Variants in TONSL observed in about 807,000 individuals in gnomAD.
TONSL encodes the protein tonsoku-like protein.
TONSL carries 112 observed loss-of-function variants against 147.1 expected under a neutral mutation model. The observed-to-expected ratio is 0.76, with a 90% confidence interval of 0.65 to 0.89. The LOEUF (loss-of-function observed/expected upper bound fraction) is 0.89. TONSL is among the 40% of genes least tolerant of loss of function. The pLI, the probability that TONSL is intolerant of heterozygous loss-of-function variation, is 0.00. For synonymous variants in TONSL, 868 were observed against 801.5 expected (o/e 1.08, Z -1.40); for missense variants, 1,883 against 1,864.6 (o/e 1.01, Z -0.18).
In TONSL at chr8:144,434,140, C is replaced by G. The variant is rs782359851; in HGVS notation, c.3225G>C (p.Leu1075=). Residue 1075 remains leucine, a synonymous_variant, in exon 21 of 26, where the codon CTG becomes CTC. Transcript: ENST00000409379. ...CCCCCAGCCGGTTCCCTGCCAGGCG[C>G]AGCTCCCGGAGTGCTGTGTGCAGCT... ...ALKLHTALRE[L]RLAGNRLGDK... 3 of 1,611,756 alleles carry G rather than the reference C, an allele frequency of 1.9e-6. No individual in the cohort carries two copies. Among genetic ancestry groups the G allele is most frequent in the Non-Finnish European group, 2.5e-6 (3 of 1,179,338 alleles).
chr8:144,440,341 G>C lies in TONSL; in HGVS notation c.1290+10C>G. 6.3e-7 allele frequency: 1 copy of C among 1,579,200 alleles called. No homozygotes were observed. The highest frequency in any genetic ancestry group is 8.6e-7 in the Non-Finnish European group (1 of 1,158,480). ...CGGGGAGCCAGTATGGGTGGGATGG[G>C]CTCTCGCACCTGCAGCTGGGGACGC... On this transcript the variant is annotated intron_variant, in intron 10 of 25. Coordinates refer to ENST00000409379, the MANE Select transcript of TONSL (RefSeq NM_013432.5).
chr8:144,434,716 AC>A, intron 20 of TONSL, 94 bp downstream of exon 20: 2 of 1,418,844 alleles, frequency 1.4e-6, no homozygotes, highest in Non-Finnish European at 9.5e-7. Context: ...ACCCCAAAAC[AC>A]CCGAGGCCCA....
rs374597491 is a variant in TONSL at position 144,436,976 on chromosome 8, C to T, written c.1726+51G>A. 4.4e-4 allele frequency: 707 copies of T among 1,612,854 alleles called. 7 individuals are homozygous for T. The African/African-American group carries it at 6.1e-3, about 14-fold the overall frequency. On this transcript the variant is annotated intron_variant, in intron 14 of 25. Coordinates refer to ENST00000409379, the MANE Select transcript of TONSL (RefSeq NM_013432.5). ...CGATGCCCCGCCAGGACTGACTCTT[C>T]GCCCCACGTGTCCACCAAGGTGCGC... is the stretch of plus-strand genomic sequence containing the variant.
chr8:144,433,742 G>T lies in TONSL; in HGVS notation c.3405C>A (p.Asp1135Glu). ...QATLQSLEEL[D>E]LSMNPLGDGC... ...CGTCCCCCAGGGGGTTCATGCTTAA[G>T]TCCAGCTCCTCCAAACTCTGTGGAA... The change falls in exon 22 of 26, where the codon GAC becomes GAA. Residue 1135 changes from aspartate to glutamate, a missense_variant. By Grantham distance (45) the Asp-to-Glu change is conservative. Transcript: ENST00000409379. 1 of 1,588,374 alleles carries T rather than the reference G, an allele frequency of 6.3e-7. No homozygotes were observed. The highest frequency in any genetic ancestry group is 8.6e-7 in the Non-Finnish European group (1 of 1,168,296).
At chr8:144,433,266 C>T (rs567806707) in intron 22 of TONSL, 13 of 217,230 alleles carry the variant, frequency 6.0e-5, no homozygotes, top group African/African-American at 1.4e-4. Context: ...TTAATAGAGA[C>T]GGCGTTTCAC....
At position 144,429,303 on chromosome 8, in the gene TONSL, A is replaced by G; in HGVS notation, c.3977T>C (p.Leu1326Pro). The change falls in exon 26 of 26, where the codon CTG becomes CCG. Residue 1326 changes from leucine to proline, a missense_variant. Transcript: ENST00000409379. ...GAGCTGCGCGGCTATCTTGTCCCACAGGCCCAGGCCCAGGGGACCCTGGAC... is the reference window on the plus strand; with the variant it reads ...GAGCTGCGCGGCTATCTTGTCCCACGGGCCCAGGCCCAGGGGACCCTGGAC... ...CAVQGPLGLG[L>P]WDKIAAQLRE... The G allele has an allele frequency of 6.7e-7, 1 of 1,491,164 alleles. No homozygotes were observed. The highest frequency in any genetic ancestry group is 9.0e-7 in the Non-Finnish European group (1 of 1,116,022). The allele number at this position is 1,491,164 out of a possible 1,614,324, so 92.4% of individuals were successfully genotyped here. A position where few individuals can be genotyped will look rare whatever the true frequency, so the allele number is the denominator to read the frequency against.
rs1241948036 is a variant in TONSL, at chr8:144,440,074, G to A, written c.1427C>T (p.Ala476Val). The part of the protein sequence containing the change: ...DEEEEAEEAA[A>V]TAESEALEAG... ...CTCCAGGGCTTCGCTCTCCGCTGTG[G>A]CTGCCGCCTCCTCCGCCTCCTCCTC... Residue 476 changes from alanine (A) to valine (V), a missense_variant, in exon 11 of 26, where the codon GCC becomes GTC. Coordinates refer to ENST00000409379, the MANE Select transcript of TONSL (RefSeq NM_013432.5). 1 of 1,591,958 alleles carries A rather than the reference G, an allele frequency of 6.3e-7. No homozygotes were observed. The highest frequency in any genetic ancestry group is 1.1e-5 in the South Asian group (1 of 90,624).
intron 7 of TONSL, 154 bp from the exon 8 acceptor site, chr8:144,441,265 GGA>G: frequency 8.8e-7 from 1 of 1,133,760 alleles, no homozygotes; most frequent in Non-Finnish European, 1.2e-6. Context: ...TCTATCTTGG[GGA>G]CTGGTCTCAA....
chr8:144,433,816 C>G, intron 21 of TONSL, 57 bp from the exon 22 acceptor site: 1 of 1,508,310 alleles, frequency 6.6e-7, no homozygotes, highest in Non-Finnish European at 8.9e-7. Flanking sequence ...CAGGGTCCCC[C>G]TTGGGGCTTG....
Position 144,429,024 on chromosome 8 carries a change from C to G in TONSL, c.*119G>C. ...CAGGATGGTCTCGATCTCCTGACCT[C>G]GTGATCCGCCCGCCTGGGCCTCCCA... On this transcript the variant is annotated 3_prime_UTR_variant, in exon 26 of 26. Coordinates refer to ENST00000409379, the MANE Select transcript of TONSL (RefSeq NM_013432.5). 3.4e-6 allele frequency: 4 copies of G among 1,193,630 alleles called. No individual in the cohort carries two copies. Among genetic ancestry groups the G allele is most frequent in the Non-Finnish European group, 4.5e-6 (4 of 892,714 alleles). The allele number at this position is 1,193,630 out of a possible 1,614,324, so 73.9% of individuals were successfully genotyped here. A position where few individuals can be genotyped will look rare whatever the true frequency, so the allele number is the denominator to read the frequency against.
At chr8:144,442,518 G>A in intron 5 of TONSL, 106 bp from the exon 6 acceptor site, 1 of 1,480,976 alleles carries the variant, frequency 6.8e-7, no homozygotes, top group Non-Finnish European at 9.0e-7. Flanking sequence ...CCCTAACCAT[G>A]CCTGGCCTTC....
intron 25 of TONSL, 63 bp downstream of exon 25, chr8:144,430,341 G>A: frequency 1.4e-6 from 2 of 1,459,962 alleles, no homozygotes; most frequent in South Asian, 2.9e-5. Context: ...GAGGCACCTG[G>A]GTCTCAGGCA....
Position 144,443,378 on chromosome 8 carries a change from C to T in TONSL, c.265-57G>A. On this transcript the variant is annotated intron_variant, in intron 3 of 25. Transcript: ENST00000409379. ...CGACTCCGCCTCAAGCAAACCGGCA[C>T]CGCCAGATTCCCAGAGACCCTGTTC... is the stretch of plus-strand genomic sequence containing the variant. The T allele has an allele frequency of 2.0e-6, 3 of 1,474,044 alleles. No individual in the cohort carries two copies. The South Asian group carries it at 3.7e-5, about 18-fold the overall frequency. 91.3% of individuals were successfully genotyped at this position (1,474,044 alleles called of 1,614,324 possible). A position where few individuals can be genotyped will look rare whatever the true frequency, so the allele number is the denominator to read the frequency against.
Position 144,442,755 on chromosome 8 carries a change from T to C in TONSL, c.500A>G (p.Asn167Ser). The C allele has an allele frequency of 6.2e-7, 1 of 1,613,098 alleles. No individual in the cohort carries two copies. Among genetic ancestry groups the C allele is most frequent in the Non-Finnish European group, 8.5e-7 (1 of 1,179,936 alleles). The change falls in exon 5 of 26, where the codon AAC (asparagine) becomes AGC (serine). Residue 167 changes from asparagine to serine, a missense_variant. Asn to Ser is a conservative substitution (Grantham distance 46, BLOSUM62 1). Coordinates refer to ENST00000409379, the MANE Select transcript of TONSL (RefSeq NM_013432.5). ...LNEMRTRLYL[N>S]LGLTFESLQQ... ...CAGGCTCTCAAAGGTGAGGCCCAGG[T>C]TGAGATAGAGGCGGGTCCTCATCTC...
intron 13 of TONSL, 56 bp from the exon 14 acceptor site, chr8:144,437,155 G>T: frequency 3.2e-6 from 5 of 1,555,206 alleles, no homozygotes; most frequent in Non-Finnish European, 4.4e-6. Context: ...CCTGGCCCCA[G>T]CCCCGTGAGC....
At chr8:144,434,775 A>G (rs1369452208) in intron 20 of TONSL, 36 bp downstream of exon 20, 1 of 1,605,922 alleles carries the variant, frequency 6.2e-7, no homozygotes, top group Admixed American at 1.7e-5. Context: ...CCCTTGTACG[A>G]CCTCACCCAG....
rs1419240193 is a variant in TONSL at position 144,435,699 on chromosome 8, A to G, written c.2734T>C (p.Ser912Pro). 30 of 1,610,938 alleles carry G rather than the reference A, an allele frequency of 1.9e-5. No homozygotes were observed. In the Admixed American group the frequency reaches 5.0e-4, roughly 27 times the overall value. Residue 912 changes from serine to proline, a missense_variant, in exon 17 of 26, where the codon TCA becomes CCA. Coordinates refer to ENST00000409379, the MANE Select transcript of TONSL (RefSeq NM_013432.5). The stretch of plus-strand genomic sequence containing the variant: ...GCAGAGCTGTCCCCACTGGGCTCTG[A>G]GACCCTGGGGGTGCTGGGGCTCCCT... ...PPGSPSTPRV[S>P]EPSGDSSAAG...
intron 23 of TONSL, 105 bp from the exon 24 acceptor site, chr8:144,431,256 C>A (rs1452126414): frequency 1.9e-6 from 2 of 1,044,108 alleles, no homozygotes; most frequent in Non-Finnish European, 2.9e-6. Context: ...GGAGCAGAGT[C>A]CCCCATCAAG....
rs1426406585 is a variant in TONSL, at chr8:144,432,291, C to G, written c.3729G>C (p.Leu1243=). 2 of 1,613,534 alleles carry G rather than the reference C, an allele frequency of 1.2e-6. No individual in the cohort carries two copies. The highest frequency in any genetic ancestry group is 3.3e-5 in the Admixed American group (2 of 59,958). ...SDLMEPVFRY[L]AKEGCALAHL... is the part of the protein sequence containing the mutation. ...GTTCTTCCCCACCTCGTACCTTGGC[C>G]AGGTATCGGAATACAGGCTCCATGA... The change falls in exon 23 of 26, where the codon CTG becomes CTC. Residue 1243 remains leucine (L), a synonymous_variant. Coordinates refer to ENST00000409379, the MANE Select transcript of TONSL (RefSeq NM_013432.5).
Sources: allele counts gnomAD v4.1 joint callset, GRCh38; gene constraint gnomAD v4.1.1; transcripts MANE v1.5; gene names NCBI Gene and HGNC (gene_info 2026-07-23, HGNC 2026-07-21).